TRABD2B: variants seen among roughly 807,000 people sequenced by gnomAD.
TRABD2B encodes TraB domain containing 2B, also known as metalloprotease TIKI2.
A neutral mutation model predicts 40.1 loss-of-function variants in TRABD2B; 14 were observed. That is an observed-to-expected ratio of 0.35 (90% CI 0.23 to 0.55). TRABD2B has a LOEUF of 0.55. Ranked by LOEUF, TRABD2B falls within the 20% of genes least tolerant of loss-of-function variation. The pLI is 0.90. For missense variants in TRABD2B, 541 were observed against 648.6 expected, an observed-to-expected ratio of 0.83 and a Z score of 1.80; for synonymous variants, 263 against 277.0, an observed-to-expected ratio of 0.95 and a Z score of 0.50.
intron 2 of TRABD2B, among the ~76,000 whole-genome samples, chr1:47,865,475 C>A (rs1404338537): frequency 6.6e-6 from 1 of 152,064 alleles, no homozygotes; most frequent in Non-Finnish European, 1.5e-5. Flanking sequence ...CCAAGTTTCA[C>A]TGAAGGTTGA....
intron 2 of TRABD2B, among the ~76,000 whole-genome samples, chr1:47,868,540 A>G (rs913884714): frequency 6.6e-6 from 1 of 152,214 alleles, no homozygotes; most frequent in African/African-American, 2.4e-5. Context: ...CTGTCCTATC[A>G]GCAGTCTCAT....
chr1:47,878,635 A>G (rs1458494010), intron 2 of TRABD2B, among the ~76,000 whole-genome samples: 1 of 152,236 alleles, frequency 6.6e-6, no homozygotes, highest in African/African-American at 2.4e-5. Flanking sequence ...AGGAATGACA[A>G]ATACAAAATC....
chr1:47,916,365 C>T (rs532324099), intron 2 of TRABD2B, among the ~76,000 whole-genome samples: 2 of 152,276 alleles, frequency 1.3e-5, no homozygotes, highest in Non-Finnish European at 2.9e-5. Context: ...TCAAACATGC[C>T]CCTGGCATCA....
chr1:47,924,655 T>G (rs562147739), intron 2 of TRABD2B, among the ~76,000 whole-genome samples: 1 of 152,274 alleles, frequency 6.6e-6, no homozygotes, highest in South Asian at 2.1e-4. Context: ...CGTGGCATTT[T>G]CAAAGCAGTA....
At chr1:47,832,806 T>C (rs1165034234) in intron 2 of TRABD2B, among the ~76,000 whole-genome samples, 2 of 152,102 alleles carry the variant, frequency 1.3e-5, no homozygotes, top group African/African-American at 2.4e-5. Context: ...CACTAGCTAT[T>C]TGGGGCTCTC....
At chr1:47,844,643 C>T (rs528586251) in intron 2 of TRABD2B, among the ~76,000 whole-genome samples, 11 of 152,158 alleles carry the variant, frequency 7.2e-5, no homozygotes, top group Non-Finnish European at 1.3e-4. Flanking sequence ...CTAAATTCTT[C>T]ACAGGAGAAA....
intron 2 of TRABD2B, among the ~76,000 whole-genome samples, chr1:47,867,902 T>C (rs1001245046): frequency 6.6e-6 from 1 of 152,206 alleles, no homozygotes; most frequent in Non-Finnish European, 1.5e-5. Context: ...CGATGCTTTA[T>C]CAGGGGTAAA....
At chr1:47,947,243 C>T (rs781610737) in intron 2 of TRABD2B, among the ~76,000 whole-genome samples, 5 of 152,206 alleles carry the variant, frequency 3.3e-5, no homozygotes, top group Admixed American at 6.5e-5. Context: ...TAAGTGCCAT[C>T]TATTTTAAAT....
chr1:47,879,615 G>A (rs144783330), intron 2 of TRABD2B, among the ~76,000 whole-genome samples: 21 of 152,340 alleles, frequency 1.4e-4, no homozygotes, highest in African/African-American at 4.6e-4. Flanking sequence ...AGGTAAGAAA[G>A]CAATACATTG....
chr1:47,913,624 C>A (rs1007820407), intron 2 of TRABD2B, among the ~76,000 whole-genome samples: 2 of 152,142 alleles, frequency 1.3e-5, no homozygotes, highest in African/African-American at 4.8e-5. Context: ...GCGGTCAGCA[C>A]CCCATGAATA....
rs768885252 is a variant in TRABD2B, at chr1:47,901,531, GC to G, written c.666+92502del. On this transcript the variant is annotated intron_variant, in intron 2 of 6. Transcript: ENST00000606738. ...TCTGCCTCCAGTCCTCTGCCTCCAG[GC>G]CAGCTGGTATTCAACAGCCTCCACC... Among the ~76,000 whole-genome samples, 24 of 152,260 alleles carry G rather than the reference GC, an allele frequency of 1.6e-4. No individual in the cohort carries two copies. The South Asian group carries it at 4.2e-3, about 26-fold the overall frequency.
intron 3 of TRABD2B, among the ~76,000 whole-genome samples, chr1:47,796,317 T>C (rs1644747576): frequency 6.6e-6 from 1 of 152,184 alleles, no homozygotes; most frequent in Admixed American, 6.5e-5. Context: ...CACTTCTCTA[T>C]CTTCACCTAC....
At chr1:47,953,343 G>A (rs1645373710) in intron 2 of TRABD2B, among the ~76,000 whole-genome samples, 1 of 152,146 alleles carries the variant, frequency 6.6e-6, no homozygotes, top group African/African-American at 2.4e-5. Flanking sequence ...TTGGAGAGAC[G>A]CACTTTCACA....
chr1:47,893,355 G>A (rs1181556079), intron 2 of TRABD2B, among the ~76,000 whole-genome samples: 1 of 152,182 alleles, frequency 6.6e-6, no homozygotes, highest in Non-Finnish European at 1.5e-5. Flanking sequence ...CCAGGCAGAG[G>A]GAGTGGCCAG....
intron 2 of TRABD2B, among the ~76,000 whole-genome samples, chr1:47,962,376 A>T (rs1165014595): frequency 6.6e-6 from 1 of 152,146 alleles, no homozygotes; most frequent in Non-Finnish European, 1.5e-5. Flanking sequence ...AAACAAACAA[A>T]TAAATAAATA....
intron 4 of TRABD2B, among the ~76,000 whole-genome samples, chr1:47,779,381 A>G (rs1298085476): frequency 6.6e-6 from 1 of 152,166 alleles, no homozygotes; most frequent in Non-Finnish European, 1.5e-5. Context: ...TCAGTCCCCC[A>G]CTCACTATTC....
At chr1:47,888,766 A>G (rs936328300) in intron 2 of TRABD2B, among the ~76,000 whole-genome samples, 6 of 152,118 alleles carry the variant, frequency 3.9e-5, no homozygotes, top group Non-Finnish European at 8.8e-5. Flanking sequence ...AGACCCTCCC[A>G]GTGTGATCCT....
chr1:47,865,219 C>A (rs570540587), intron 2 of TRABD2B, among the ~76,000 whole-genome samples: 3 of 152,244 alleles, frequency 2.0e-5, no homozygotes, highest in African/African-American at 7.2e-5. Flanking sequence ...CACAGTAGGG[C>A]CCAGGCCTCC....
chr1:47,773,514 TTTCCCACGTACTA>T (rs1199233834), intron 6 of TRABD2B, among the ~76,000 whole-genome samples: 3 of 152,222 alleles, frequency 2.0e-5, no homozygotes, highest in African/African-American at 7.2e-5. Flanking sequence ...ATGGGGGCGG[TTTCCCACGTACTA>T]TTCTTGTGGC....
Sources: allele counts gnomAD v4.1 joint callset (sites outside exome capture counted in the v4.1 genomes callset), GRCh38; gene constraint gnomAD v4.1.1; transcripts MANE v1.5; gene names NCBI Gene and HGNC (gene_info 2026-07-23, HGNC 2026-07-21).